GABBR1: variants seen among roughly 807,000 people sequenced by gnomAD.
GABBR1 encodes GABA-B receptor, R1 subunit.
GABBR1 carries 35 observed loss-of-function variants against 117.7 expected under a neutral mutation model. That is an observed-to-expected ratio of 0.30 (90% CI 0.23 to 0.39). GABBR1 has a LOEUF of 0.39. Among genes scored for constraint, GABBR1 ranks in the 10% least tolerant of loss-of-function variants. GABBR1 has a pLI of 1.00. For synonymous variants in GABBR1, 442 were observed against 486.6 expected, an observed-to-expected ratio of 0.91 and a Z score of 1.21; for missense variants, 709 against 1,241.8, an observed-to-expected ratio of 0.57 and a Z score of 6.45.
rs750871752 is a variant in GABBR1 at position 29,606,974 on chromosome 6, C to T, written c.2140G>A (p.Val714Met). The change falls in exon 18 of 23, where the codon GTG becomes ATG. Residue 714 changes from valine to methionine, a missense_variant. Around this residue, in one of 9 missense-constraint regions of GABBR1, gnomAD observed 251 missense variants for 445.3 expected, o/e 0.56. Coordinates refer to ENST00000377034, the MANE Select transcript of GABBR1 (RefSeq NM_001470.4). The surrounding 1 kb of genome is among the most constrained non-coding windows in gnomAD (Gnocchi z 4.5). ...TLEPWKLYAT[V>M]GLLVGMDVLT... is the part of the protein sequence containing the mutation. ...ACATCCATGCCCACCAGCAGGCCCACTGTGGCATACAGCTTCCAGGGTTCC... is the reference window on the plus strand; with the variant it reads ...ACATCCATGCCCACCAGCAGGCCCATTGTGGCATACAGCTTCCAGGGTTCC... The T allele has an allele frequency of 6.2e-7, 1 of 1,614,118 alleles. No individual in the cohort carries two copies. The highest frequency in any genetic ancestry group is 8.5e-7 in the Non-Finnish European group (1 of 1,180,040).
At position 29,622,485 on chromosome 6, in the gene GABBR1, G is replaced by T. The variant is rs1763855040; in HGVS notation, c.964-280C>A. The T allele has an allele frequency of 2.2e-6, 1 of 452,302 alleles. No homozygotes were observed. The highest frequency in any genetic ancestry group is 4.0e-6 in the Non-Finnish European group (1 of 251,450). 28.0% of individuals were successfully genotyped at this position (452,302 alleles called of 1,614,324 possible). A position where few individuals can be genotyped will look rare whatever the true frequency, so the allele number is the denominator to read the frequency against. On this transcript the variant is annotated intron_variant, in intron 8 of 22. Transcript: ENST00000377034. The surrounding 1 kb of genome is among the most constrained non-coding windows in gnomAD (Gnocchi z 4.6). Reference sequence around the variant, plus strand: ...ACCCACTCCTACCACTGAAGGCAAAGATGGGGTAAAGAAACATAAAGGAAC... The same window carrying T: ...ACCCACTCCTACCACTGAAGGCAAATATGGGGTAAAGAAACATAAAGGAAC...
At chr6:29,610,802 G>T in intron 14 of GABBR1, 122 bp downstream of exon 14, 1 of 792,726 alleles carries the variant, frequency 1.3e-6, no homozygotes, top group Non-Finnish European at 2.1e-6. Flanking sequence ...CTTTCTCCTG[G>T]CCCAGCTGCC....
chr6:29,609,182 A>T lies in GABBR1; in HGVS notation c.1859+47T>A. The T allele has an allele frequency of 1.3e-6, 2 of 1,573,884 alleles. No homozygotes were observed. Among genetic ancestry groups the T allele is most frequent in the Non-Finnish European group, 1.7e-6 (2 of 1,145,110 alleles). On this transcript the variant is annotated intron_variant, in intron 15 of 22. Transcript: ENST00000377034. The surrounding 1 kb of genome is among the most constrained non-coding windows in gnomAD (Gnocchi z 4.3). Reference sequence around the variant, plus strand: ...TCTCATCCTGTCCAGGAACATGATCAGTATCTCAGAGAGGCAGACAAGGAA... The same window carrying T: ...TCTCATCCTGTCCAGGAACATGATCTGTATCTCAGAGAGGCAGACAAGGAA...
chr6:29,612,628 C>T lies in GABBR1; in HGVS notation c.1567-14G>A. On this transcript the variant is annotated splice_polypyrimidine_tract_variant and intron_variant, in intron 12 of 22. Transcript: ENST00000377034. The stretch of plus-strand genomic sequence containing the variant: ...CACCACATGGCCCTGAGGGAAGGAA[C>T]ATGTGGAGCAAGGCAAAGGAGACAA... The T allele has an allele frequency of 6.2e-7, 1 of 1,612,748 alleles. No homozygotes were observed. The highest frequency in any genetic ancestry group is 2.2e-5 in the East Asian group (1 of 44,896).
Position 29,632,511 on chromosome 6 carries a change from G to T in GABBR1, c.1-126C>A. ...CGGGCTCAGCCTGGGGACCAAGAGA[G>T]CGCCCCGCGGAGGAGGCGGGGGCGG... On this transcript the variant is annotated intron_variant, in intron 1 of 22. Transcript: ENST00000377034. The surrounding 1 kb of genome is among the most constrained non-coding windows in gnomAD (Gnocchi z 5.8). 1 of 974,826 alleles carries T rather than the reference G, an allele frequency of 1.0e-6. No homozygotes were observed. Among genetic ancestry groups the T allele is most frequent in the Non-Finnish European group, 1.4e-6 (1 of 708,276 alleles). 60.4% of individuals were successfully genotyped at this position (974,826 alleles called of 1,614,324 possible).
In GABBR1 at chr6:29,630,413, C is replaced by T; in HGVS notation, c.475+45G>A. 1 of 1,550,014 alleles carries T rather than the reference C, an allele frequency of 6.5e-7. No individual in the cohort carries two copies. Among genetic ancestry groups the T allele is most frequent in the African/African-American group, 1.4e-5 (1 of 73,814 alleles). Reference sequence around the variant, plus strand: ...CATTCCCACCCCACTCCCATCCTCACACAAGCGTCCTCATCAGCTGCATGC... The same window carrying T: ...CATTCCCACCCCACTCCCATCCTCATACAAGCGTCCTCATCAGCTGCATGC... On this transcript the variant is annotated intron_variant, in intron 4 of 22. Transcript: ENST00000377034. The surrounding 1 kb of genome is among the most constrained non-coding windows in gnomAD (Gnocchi z 4.9).
In GABBR1 at chr6:29,613,396, A is replaced by G; in HGVS notation, c.1413T>C (p.Tyr471=). 1 of 1,613,174 alleles carries G rather than the reference A, an allele frequency of 6.2e-7. No homozygotes were observed. Among genetic ancestry groups the G allele is most frequent in the Non-Finnish European group, 8.5e-7 (1 of 1,180,052 alleles). Residue 471 remains tyrosine, a synonymous_variant, in exon 12 of 23, where the codon TAT becomes TAC. Coordinates refer to ENST00000377034, the MANE Select transcript of GABBR1 (RefSeq NM_001470.4). This position sits in a 1 kb window ranked among gnomAD's most constrained non-coding sequence, Gnocchi z 4.1. ...CCAGTGCCAAGGCCCAGATGGCATCATAGGCCAGCGGTGCCTCCTGGAAGC... is the reference window on the plus strand; with the variant it reads ...CCAGTGCCAAGGCCCAGATGGCATCGTAGGCCAGCGGTGCCTCCTGGAAGC... ...TGGFQEAPLA[Y]DAIWALALAL...
rs913853908 is a variant in GABBR1, at chr6:29,621,806, G to A, written c.1077C>T (p.Ala359=). The change falls in exon 10 of 23, where the codon GCC becomes GCT. Residue 359 remains alanine, a synonymous_variant. Coordinates refer to ENST00000377034, the MANE Select transcript of GABBR1 (RefSeq NM_001470.4). The surrounding 1 kb of genome is among the most constrained non-coding windows in gnomAD (Gnocchi z 5.0). ...VPVKNLKRQD[A]RIIVGLFYET... is the part of the protein sequence containing the mutation. Reference sequence around the variant, plus strand: ...CATAGAAAAGTCCCACGATGATTCGGGCATCCTGGCGCTACAACAGAGAAA... The same window carrying A: ...CATAGAAAAGTCCCACGATGATTCGAGCATCCTGGCGCTACAACAGAGAAA... The A allele has an allele frequency of 1.2e-6, 2 of 1,614,020 alleles. No homozygotes were observed. The highest frequency in any genetic ancestry group is 2.7e-5 in the African/African-American group (2 of 74,900).
intron 11 of GABBR1, among the ~76,000 whole-genome samples, chr6:29,615,485 C>T (rs912856208): frequency 3.3e-5 from 5 of 151,010 alleles, no homozygotes; most frequent in Admixed American, 1.3e-4. Context: ...GGTGGGCTCC[C>T]GTAATCCCAG....
chr6:29,631,843 T>C lies in GABBR1; in HGVS notation c.86-244A>G, dbSNP rs1765009690. 6.6e-6 allele frequency among the ~76,000 whole-genome samples: 1 copy of C among 151,684 alleles called. No homozygotes were observed. Among genetic ancestry groups the C allele is most frequent in the Non-Finnish European group, 1.5e-5 (1 of 67,938 alleles). Reference sequence around the variant, plus strand: ...CCCACAAGTGGGGAGGGAAGGGTGCTGGGTGGAGGTAAGAAAGAAAAGTAA... The same window carrying C: ...CCCACAAGTGGGGAGGGAAGGGTGCCGGGTGGAGGTAAGAAAGAAAAGTAA... On this transcript the variant is annotated intron_variant, in intron 2 of 22. Transcript: ENST00000377034. This position sits in a 1 kb window ranked among gnomAD's most constrained non-coding sequence, Gnocchi z 5.9.
chr6:29,606,812 C>A lies in GABBR1; in HGVS notation c.2217+85G>T. On this transcript the variant is annotated intron_variant, in intron 18 of 22. Transcript: ENST00000377034. The surrounding 1 kb of genome is among the most constrained non-coding windows in gnomAD (Gnocchi z 4.5). ...GCACTCTCTCCAAGTAGCTTCATCC[C>A]TCAAGACACACACAGCCCCAGGGCC... 2 of 1,150,868 alleles carry A rather than the reference C, an allele frequency of 1.7e-6. No homozygotes were observed. The highest frequency in any genetic ancestry group is 1.3e-6 in the Non-Finnish European group (1 of 779,842). The allele number at this position is 1,150,868 out of a possible 1,614,324, so 71.3% of individuals were successfully genotyped here.
intron 6 of GABBR1, among the ~76,000 whole-genome samples, chr6:29,625,414 G>C (rs1764170949): frequency 6.6e-6 from 1 of 152,022 alleles, no homozygotes; most frequent in Non-Finnish European, 1.5e-5. Flanking sequence ...TATCAACAGG[G>C]CAAGGCATGC....
Position 29,607,034 on chromosome 6 carries a change from G to A in GABBR1, c.2110-30C>T, listed in dbSNP as rs547326212. ...ATAAATATGTGGGGAGAACAGGCACGTCAGGGGAAAATGCTCTGTGCCCCA... is the reference window on the plus strand; with the variant it reads ...ATAAATATGTGGGGAGAACAGGCACATCAGGGGAAAATGCTCTGTGCCCCA... On this transcript the variant is annotated intron_variant, in intron 17 of 22. Transcript: ENST00000377034. This position sits in a 1 kb window ranked among gnomAD's most constrained non-coding sequence, Gnocchi z 5.0. 2.0e-5 allele frequency: 33 copies of A among 1,610,470 alleles called. No homozygotes were observed. Among genetic ancestry groups the A allele is most frequent in the South Asian group, 9.9e-5 (9 of 91,000 alleles).
In GABBR1 at chr6:29,631,295, G is replaced by C. The variant is rs1764931676; in HGVS notation, c.289+101C>G. ...TCAATAAATGTATTTGTGAATTTTG[G>C]TATACTGGATTTAAAGTGCTGACTT... On this transcript the variant is annotated intron_variant, in intron 3 of 22. Transcript: ENST00000377034. This position sits in a 1 kb window ranked among gnomAD's most constrained non-coding sequence, Gnocchi z 5.9. 6 of 1,174,440 alleles carry C rather than the reference G, an allele frequency of 5.1e-6. No homozygotes were observed. Among genetic ancestry groups the C allele is most frequent in the Non-Finnish European group, 7.4e-6 (6 of 805,972 alleles). 72.8% of individuals were successfully genotyped at this position (1,174,440 alleles called of 1,614,324 possible).
Position 29,632,845 on chromosome 6 carries a change from C to G in GABBR1, c.-1+5G>C. The G allele has an allele frequency of 2.5e-6, 1 of 408,024 alleles. No homozygotes were observed. The highest frequency in any genetic ancestry group is 3.7e-6 in the Non-Finnish European group (1 of 270,102). The allele number at this position is 408,024 out of a possible 1,614,324, so 25.3% of individuals were successfully genotyped here. Reference sequence around the variant, plus strand: ...GCCCTGCTAACCCGGGGCCCTGGCTCTTACCTCGGCGCGCGGGCCCGGCTC... The same window carrying G: ...GCCCTGCTAACCCGGGGCCCTGGCTGTTACCTCGGCGCGCGGGCCCGGCTC... On this transcript the variant is annotated splice_donor_5th_base_variant and intron_variant, in intron 1 of 22. Coordinates refer to ENST00000377034, the MANE Select transcript of GABBR1 (RefSeq NM_001470.4). The surrounding 1 kb of genome is among the most constrained non-coding windows in gnomAD (Gnocchi z 5.8).
chr6:29,609,483 T>A lies in GABBR1; in HGVS notation c.1709-104A>T. The A allele has an allele frequency of 1.0e-6, 1 of 953,812 alleles. No homozygotes were observed. The highest frequency in any genetic ancestry group is 1.5e-5 in the South Asian group (1 of 66,708). 59.1% of individuals were successfully genotyped at this position (953,812 alleles called of 1,614,324 possible). ...AAAGGGCAAAGAACTAGATTGCTGA[T>A]GGACATTCAGTCATTGGCTGGGGAC... On this transcript the variant is annotated intron_variant, in intron 14 of 22. Coordinates refer to ENST00000377034, the MANE Select transcript of GABBR1 (RefSeq NM_001470.4). This position sits in a 1 kb window ranked among gnomAD's most constrained non-coding sequence, Gnocchi z 4.3.
rs1023005436 is a variant in GABBR1, at chr6:29,607,063, G to A, written c.2109+39C>T. The A allele has an allele frequency of 5.0e-6, 8 of 1,603,666 alleles. No homozygotes were observed. The highest frequency in any genetic ancestry group is 6.8e-6 in the Non-Finnish European group (8 of 1,170,544). On this transcript the variant is annotated intron_variant, in intron 17 of 22. Transcript: ENST00000377034. This position sits in a 1 kb window ranked among gnomAD's most constrained non-coding sequence, Gnocchi z 5.0. ...GGGGAAAATGCTCTGTGCCCCAGGA[G>A]CCAAGGATCTGGGGGCTGAGGATTG...
intron 6 of GABBR1, among the ~76,000 whole-genome samples, chr6:29,626,440 A>C (rs1764276718): frequency 6.6e-6 from 1 of 152,084 alleles, no homozygotes; most frequent in African/African-American, 2.4e-5. Context: ...TTGAGATCTT[A>C]AATCTCCTTC....
At position 29,623,568 on chromosome 6, in the gene GABBR1, G is replaced by T; in HGVS notation, c.793-93C>A. The T allele has an allele frequency of 7.6e-7, 1 of 1,309,584 alleles. No individual in the cohort carries two copies. The highest frequency in any genetic ancestry group is 1.1e-6 in the Non-Finnish European group (1 of 944,870). The allele number at this position is 1,309,584 out of a possible 1,614,324, so 81.1% of individuals were successfully genotyped here. A position where few individuals can be genotyped will look rare whatever the true frequency, so the allele number is the denominator to read the frequency against. ...CCTTTAACCCTCTTCCTGCCTTTGG[G>T]TTTCTCTTCCTTACTCTCTCCAAAC... On this transcript the variant is annotated intron_variant, in intron 7 of 22. Coordinates refer to ENST00000377034, the MANE Select transcript of GABBR1 (RefSeq NM_001470.4). The surrounding 1 kb of genome is among the most constrained non-coding windows in gnomAD (Gnocchi z 6.2).
Sources: allele counts gnomAD v4.1 joint callset (sites outside exome capture counted in the v4.1 genomes callset), GRCh38; gene constraint gnomAD v4.1.1; regional missense constraint gnomAD v4.1.1; non-coding constraint Gnocchi (gnomAD v3.1); transcripts MANE v1.5; gene names NCBI Gene and HGNC (gene_info 2026-07-23, HGNC 2026-07-21).